Variants in TMEM74 observed in about 807,000 individuals in gnomAD.
The protein encoded by TMEM74 is transmembrane protein 74.
In TMEM74, 13 loss-of-function variants were observed where a neutral mutation model predicts 18.1. The ratio of observed to expected loss-of-function variants is 0.72; its 90% CI spans 0.47 to 1.14. The LOEUF is 1.14. Among genes scored for constraint, TMEM74 ranks in the 50% most tolerant of loss-of-function variants. The pLI is 0.00. For synonymous variants in TMEM74, 159 were observed against 146.6 expected (o/e 1.08, Z -0.61); for missense variants, 372 against 375.9 (o/e 0.99, Z 0.09).
intron 1 of TMEM74, among the ~76,000 whole-genome samples, chr8:108,724,946 C>G (rs542863239): frequency 6.6e-6 from 1 of 152,308 alleles, no homozygotes; most frequent in East Asian, 1.9e-4. Flanking sequence ...AAAACACAAC[C>G]TCTTTTCTTC....
At chr8:108,667,472 A>C (rs1028137733) in intron 1 of TMEM74, among the ~76,000 whole-genome samples, 3 of 152,170 alleles carry the variant, frequency 2.0e-5, no homozygotes, top group Admixed American at 6.6e-5. Flanking sequence ...AATAGGAAAT[A>C]AAAACTCCAA....
intron 2 of TMEM74, among the ~76,000 whole-genome samples, chr8:108,642,656 A>G (rs1216806322): frequency 2.0e-5 from 3 of 152,146 alleles, no homozygotes; most frequent in Non-Finnish European, 4.4e-5. Context: ...AATACACTTT[A>G]CTATCAATCT....
At chr8:108,654,179 A>G (rs182578090) in intron 2 of TMEM74, among the ~76,000 whole-genome samples, 4 of 152,266 alleles carry the variant, frequency 2.6e-5, no homozygotes, top group Admixed American at 1.3e-4. Flanking sequence ...ATAACAATAA[A>G]GATGGAAAAA....
intron 1 of TMEM74, among the ~76,000 whole-genome samples, chr8:108,759,809 T>C (rs77265645): frequency 0.018 from 2,717 of 152,244 alleles, 92 homozygotes; most frequent in African/African-American, 0.062. Context: ...ATATGCTTTG[T>C]ACAAAAATGG....
intron 1 of TMEM74, among the ~76,000 whole-genome samples, chr8:108,712,197 C>T (rs559064008): frequency 4.4e-4 from 67 of 152,228 alleles, no homozygotes; most frequent in African/African-American, 1.6e-3. Context: ...CGTAATAAGA[C>T]ACTGAAAAAT....
intron 2 of TMEM74, among the ~76,000 whole-genome samples, chr8:108,614,464 C>G (rs528775430): frequency 2.6e-5 from 4 of 152,096 alleles, no homozygotes; most frequent in South Asian, 2.1e-4. Flanking sequence ...CTCGCAAAGA[C>G]AAGAAAGCAA....
At chr8:108,754,776 A>C (rs1813940219) in intron 1 of TMEM74, among the ~76,000 whole-genome samples, 1 of 151,764 alleles carries the variant, frequency 6.6e-6, no homozygotes, top group South Asian at 2.1e-4. Context: ...AGCTGAAGAC[A>C]CAGGAAAGTG....
chr8:108,659,254 A>AACACACACACACACACACACAC lies in TMEM74; in HGVS notation n.120-3818_120-3817insGTGTGTGTGTGTGTGTGTGTGT. ...GTGTGGCCTTTATAGATAGCCCACT[A>AACACACACACACACACACACAC]ACACACACACACATACAGACACACA... On this transcript the variant is annotated intron_variant and non_coding_transcript_variant, in intron 1 of 3. Coordinates refer to the TMEM74 transcript ENST00000518838. 1.3e-5 allele frequency among the ~76,000 whole-genome samples: 2 copies of AACACACACACACACACACACAC among 149,856 alleles called. 1 individual carries two copies. Among genetic ancestry groups the AACACACACACACACACACACAC allele is most frequent in the Non-Finnish European group, 3.0e-5 (2 of 67,512 alleles).
chr8:108,632,340 G>T (rs1410719340), intron 2 of TMEM74, among the ~76,000 whole-genome samples: 5 of 151,864 alleles, frequency 3.3e-5, no homozygotes, highest in African/African-American at 4.8e-5. Context: ...TTTGCTAAGT[G>T]GATAGCTCTT....
At chr8:108,705,358 G>A (rs2130618668) in intron 1 of TMEM74, among the ~76,000 whole-genome samples, 1 of 152,316 alleles carries the variant, frequency 6.6e-6, no homozygotes. Flanking sequence ...GTAGTGGAAT[G>A]CAGATTTAAT....
chr8:108,671,686 G>A (rs1396386734), intron 1 of TMEM74, among the ~76,000 whole-genome samples: 1 of 152,082 alleles, frequency 6.6e-6, no homozygotes, highest in Admixed American at 6.6e-5. Flanking sequence ...GTATTTCATG[G>A]CAACAGGGAG....
chr8:108,740,453 C>T (rs80289337), intron 1 of TMEM74, among the ~76,000 whole-genome samples: 2,744 of 152,218 alleles, frequency 0.018, 85 homozygotes, highest in African/African-American at 0.063. Flanking sequence ...TGTACAAGTT[C>T]GTGAATACCA....
chr8:108,772,388 G>A (rs1260616104), intron 1 of TMEM74, among the ~76,000 whole-genome samples: 2 of 152,166 alleles, frequency 1.3e-5, no homozygotes, highest in African/African-American at 4.8e-5. Context: ...CAAGTGACTA[G>A]TATGAGTTAG....
intron 1 of TMEM74, among the ~76,000 whole-genome samples, chr8:108,763,091 T>C (rs1186806760): frequency 1.3e-5 from 2 of 152,176 alleles, no homozygotes; most frequent in Non-Finnish European, 2.9e-5. Flanking sequence ...TATTTCTTTA[T>C]GTTCATCTAA....
chr8:108,711,356 G>T (rs1453119861), intron 1 of TMEM74, among the ~76,000 whole-genome samples: 1 of 152,146 alleles, frequency 6.6e-6, no homozygotes, highest in Non-Finnish European at 1.5e-5. Context: ...TCTATTCCAA[G>T]CAGACTGTTA....
chr8:108,699,183 TCCTC>T (rs1171916387), intron 1 of TMEM74, among the ~76,000 whole-genome samples: 849 of 70,234 alleles, frequency 0.012, 18 homozygotes, highest in Non-Finnish European at 0.015. Context: ...CTTCCTTCCT[TCCTC>T]CCTCCCTCCC....
intron 2 of TMEM74, among the ~76,000 whole-genome samples, chr8:108,625,803 G>C (rs1284317971): frequency 6.6e-6 from 1 of 151,900 alleles, no homozygotes; most frequent in African/African-American, 2.4e-5. Flanking sequence ...TTACTATAGG[G>C]ATGGAGTCTG....
Position 108,765,727 on chromosome 8 carries a change from G to A in TMEM74, n.119+21749C>T, listed in dbSNP as rs112719444. On this transcript the variant is annotated intron_variant and non_coding_transcript_variant, in intron 1 of 3. Transcript: ENST00000518838. Reference sequence around the variant, plus strand: ...CTGGCCATCTTTAGTTACTTTTAACGTTAATAACAGCTCAAGATTTATCAC... The same window carrying A: ...CTGGCCATCTTTAGTTACTTTTAACATTAATAACAGCTCAAGATTTATCAC... 6.4e-3 allele frequency among the ~76,000 whole-genome samples: 974 copies of A among 152,064 alleles called. 5 individuals are homozygous for A. Among genetic ancestry groups the A allele is most frequent in the African/African-American group, 0.022 (925 of 41,512 alleles).
intron 1 of TMEM74, among the ~76,000 whole-genome samples, chr8:108,747,535 T>TTCTCTC (rs368524691): frequency 6.7e-6 from 1 of 149,956 alleles, no homozygotes; most frequent in Non-Finnish European, 1.5e-5. Context: ...AGAAGCACAC[T>TTCTCTC]TCTCTCTCTC....
Sources: gnomAD v4.1 joint callset for allele counts (sites outside exome capture counted in the v4.1 genomes callset) on GRCh38, gnomAD v4.1.1 for gene constraint, MANE v1.5 for transcripts, NCBI Gene and HGNC (gene_info 2026-07-23, HGNC 2026-07-21) for gene names.